The following TLDC2 variants were observed in gnomAD, a reference collection of about 807,000 sequenced individuals.
TLDC2 encodes TBC/LysM-associated domain containing 2.
A neutral mutation model predicts 27.9 loss-of-function variants in TLDC2; 23 were observed. The ratio of observed to expected loss-of-function variants is 0.82; its 90% CI spans 0.59 to 1.17. The LOEUF (loss-of-function observed/expected upper bound fraction) is 1.17, where lower values mean the gene tolerates loss of function less well. TLDC2 is among the 50% of genes most tolerant of loss of function. The pLI is 0.00. For missense variants in TLDC2, 286 were observed against 273.4 expected (o/e 1.05, Z -0.32); for synonymous variants, 124 against 107.4 (o/e 1.16, Z -0.96).
intron 4 of TLDC2, among the ~76,000 whole-genome samples, chr20:36,882,601 A>G (rs1989839512): frequency 6.6e-6 from 1 of 152,194 alleles, no homozygotes; most frequent in African/African-American, 2.4e-5. Context: ...GATCTCTCCA[A>G]TGCACAGACT....
At chr20:36,880,624 C>A in intron 3 of TLDC2, 31 bp from the exon 4 acceptor site, 1 of 1,595,702 alleles carries the variant, frequency 6.3e-7, no homozygotes. Flanking sequence ...TAGCTCCCTT[C>A]CAGCTGCAGA....
intron 4 of TLDC2, among the ~76,000 whole-genome samples, chr20:36,881,830 C>T (rs1477220681): frequency 6.6e-6 from 1 of 152,098 alleles, no homozygotes; most frequent in East Asian, 1.9e-4. Flanking sequence ...AGCAGTTGGA[C>T]AATGTGTTGG....
At chr20:36,888,955 G>A (rs1009043200) in intron 5 of TLDC2, among the ~76,000 whole-genome samples, 6 of 152,088 alleles carry the variant, frequency 3.9e-5, no homozygotes, top group African/African-American at 1.4e-4. Flanking sequence ...CCGGGAGGTG[G>A]AGGTTGTGGT....
rs768361219 is a variant in TLDC2 at position 36,880,790 on chromosome 20, G to A, written c.438+40G>A. 10 of 1,595,592 alleles carry A rather than the reference G, an allele frequency of 6.3e-6. No homozygotes were observed. In the East Asian group the frequency reaches 1.3e-4, roughly 21 times the overall value. On this transcript the variant is annotated intron_variant, in intron 4 of 6. Transcript: ENST00000217320. ...CTTCCATGGGGGGAGTGGGGCGTGTGGCGAGACAAAGCTCCCGGGGTCCCA... is the reference window on the plus strand; with the variant it reads ...CTTCCATGGGGGGAGTGGGGCGTGTAGCGAGACAAAGCTCCCGGGGTCCCA...
chr20:36,887,543 C>A lies in TLDC2; in HGVS notation c.512+15C>A, dbSNP rs746655484. Reference sequence around the variant, plus strand: ...GGCAGTGGCAGGTGAGTGTCTCAGTCTTCCCGAGTCTTGGGGCGGTCTGTG... The same window carrying A: ...GGCAGTGGCAGGTGAGTGTCTCAGTATTCCCGAGTCTTGGGGCGGTCTGTG... On this transcript the variant is annotated intron_variant, in intron 5 of 6. Coordinates refer to ENST00000217320, the MANE Select transcript of TLDC2 (RefSeq NM_080628.3). 1.9e-6 allele frequency: 3 copies of A among 1,611,662 alleles called. No homozygotes were observed. The highest frequency in any genetic ancestry group is 1.7e-6 in the Non-Finnish European group (2 of 1,177,850).
Position 36,887,438 on chromosome 20 carries a change from C to T in TLDC2, c.439-17C>T. 1.2e-6 allele frequency: 2 copies of T among 1,610,942 alleles called. No homozygotes were observed. Among genetic ancestry groups the T allele is most frequent in the Admixed American group, 3.3e-5 (2 of 60,012 alleles). The stretch of plus-strand genomic sequence containing the variant: ...CGCTCGCTTAGTAACCTGAGCCTTT[C>T]CCTATGTATCACCCAGGTCTTTAAG... On this transcript the variant is annotated splice_polypyrimidine_tract_variant and intron_variant, in intron 4 of 6. Coordinates refer to ENST00000217320, the MANE Select transcript of TLDC2 (RefSeq NM_080628.3).
At chr20:36,889,672 C>CT (rs2148349514) in intron 6 of TLDC2, 1 of 288,144 alleles carries the variant, frequency 3.5e-6, no homozygotes, top group South Asian at 1.1e-4. Flanking sequence ...ATCCACATCT[C>CT]TTCCCCGCTA....
chr20:36,879,045 G>C lies in TLDC2; in HGVS notation c.194G>C (p.Ser65Thr), dbSNP rs1989739333. ...VLSASEIRQL[S>T]FHFPPRVTGH... ...CACCTCCAACCCTGTCCCCAGCTCA[G>C]CTTTCACTTCCCACCAAGAGTCACC... Residue 65 changes from serine to threonine, a missense_variant, in exon 3 of 7, where the codon AGC becomes ACC. By Grantham distance (58) the Ser-to-Thr change is moderately conservative (BLOSUM62 1). Transcript: ENST00000217320. The C allele has an allele frequency of 1.2e-6, 2 of 1,614,190 alleles. No homozygotes were observed. The highest frequency in any genetic ancestry group is 1.7e-6 in the Non-Finnish European group (2 of 1,180,032).
intron 4 of TLDC2, among the ~76,000 whole-genome samples, chr20:36,884,486 G>A (rs1046830794): frequency 1.3e-5 from 2 of 152,076 alleles, no homozygotes; most frequent in African/African-American, 4.8e-5. Context: ...GCCAAGTGTG[G>A]TGGCTCACGT....
At chr20:36,890,396 C>CTCTTTCTTTTCTTTCTT (rs1555830176) in intron 6 of TLDC2, 1 of 142,450 alleles carries the variant, frequency 7.0e-6, no homozygotes, top group Non-Finnish European at 1.5e-5. Context: ...ATATTTCTTT[C>CTCTTTCTTTTCTTTCTT]TCTTTCTTTC....
At chr20:36,883,757 G>A (rs57983712) in intron 4 of TLDC2, among the ~76,000 whole-genome samples, 1 of 152,228 alleles carries the variant, frequency 6.6e-6, no homozygotes, top group African/African-American at 2.4e-5. Context: ...GTCTCTCACT[G>A]CCTCCACTTC....
intron 4 of TLDC2, 52 bp downstream of exon 4, chr20:36,880,802 C>T (rs765390716): frequency 1.9e-6 from 3 of 1,547,704 alleles, no homozygotes; most frequent in South Asian, 2.2e-5. Flanking sequence ...CGAGACAAAG[C>T]TCCCGGGGTC....
Position 36,877,879 on chromosome 20 carries a change from G to A in TLDC2, c.34-20G>A, listed in dbSNP as rs1336347794. The A allele has an allele frequency of 3.2e-5, 51 of 1,606,824 alleles. No individual in the cohort carries two copies. The highest frequency in any genetic ancestry group is 4.3e-5 in the Non-Finnish European group (51 of 1,177,092). On this transcript the variant is annotated intron_variant, in intron 1 of 6. Transcript: ENST00000217320. ...GACCTCCTGTCCCTGGACACACCAGGCCACTTTGTGTTTTTGCAGCCCAGC... is the reference window on the plus strand; with the variant it reads ...GACCTCCTGTCCCTGGACACACCAGACCACTTTGTGTTTTTGCAGCCCAGC...
In TLDC2 at chr20:36,893,197, G is replaced by A; in HGVS notation, c.*353G>A. 1 of 1,132,620 alleles carries A rather than the reference G, an allele frequency of 8.8e-7. No homozygotes were observed. The highest frequency in any genetic ancestry group is 1.3e-6 in the Non-Finnish European group (1 of 774,942). The allele number at this position is 1,132,620 out of a possible 1,614,324, so 70.2% of individuals were successfully genotyped here. A position where few individuals can be genotyped will look rare whatever the true frequency, so the allele number is the denominator to read the frequency against. ...TTGCTTCTAGCTGTCCTCAATCCAG[G>A]GAAACTCCAAATTACATATGCCCTG... is the stretch of plus-strand genomic sequence containing the variant. On this transcript the variant is annotated 3_prime_UTR_variant, in exon 7 of 7. Transcript: ENST00000217320.
Position 36,893,120 on chromosome 20 carries a change from CTTA to C in TLDC2, c.*279_*281del. 1 of 1,601,952 alleles carries C rather than the reference CTTA, an allele frequency of 6.2e-7. No homozygotes were observed. The highest frequency in any genetic ancestry group is 1.1e-5 in the South Asian group (1 of 90,970). ...ATAGAGAAAAGCCAGTTTCCATCAT[CTTA>C]TTTCTGAGTGAAAGTCTCAAGTGCG... On this transcript the variant is annotated 3_prime_UTR_variant, in exon 7 of 7. Transcript: ENST00000217320.
Position 36,877,975 on chromosome 20 carries a change from C to G in TLDC2, c.110C>G (p.Pro37Arg). Residue 37 changes from proline to arginine, a missense_variant, in exon 2 of 7, where the codon CCA becomes CGA. Transcript: ENST00000217320. ...EEEEEEAAPD[P>R]AAAPEDPTVP... ...GAGGAGGAGGAGGCAGCTCCAGACCCAGCTGCTGCTCCTGAGGATCCCACG... is the reference window on the plus strand; with the variant it reads ...GAGGAGGAGGAGGCAGCTCCAGACCGAGCTGCTGCTCCTGAGGATCCCACG... 6.2e-7 allele frequency: 1 copy of G among 1,614,140 alleles called. No homozygotes were observed. Among genetic ancestry groups the G allele is most frequent in the Non-Finnish European group, 8.5e-7 (1 of 1,180,004 alleles).
intron 4 of TLDC2, among the ~76,000 whole-genome samples, chr20:36,881,828 G>T (rs1989822778): frequency 6.6e-6 from 1 of 152,208 alleles, no homozygotes; most frequent in Admixed American, 6.5e-5. Context: ...ACAGCAGTTG[G>T]ACAATGTGTT....
intron 4 of TLDC2, among the ~76,000 whole-genome samples, chr20:36,885,156 C>T (rs6129995): frequency 2.0e-5 from 3 of 152,078 alleles, no homozygotes; most frequent in Admixed American, 6.5e-5. Flanking sequence ...GGATTACAGG[C>T]GTGAGCCACC....
At chr20:36,883,912 G>A (rs952575780) in intron 4 of TLDC2, among the ~76,000 whole-genome samples, 21 of 152,242 alleles carry the variant, frequency 1.4e-4, no homozygotes, top group South Asian at 8.3e-4. Context: ...TGGCCAACAC[G>A]GTGAAACCCC....
Sources: allele counts gnomAD v4.1 joint callset (sites outside exome capture counted in the v4.1 genomes callset), GRCh38; gene constraint gnomAD v4.1.1; transcripts MANE v1.5; gene names NCBI Gene and HGNC (gene_info 2026-07-23, HGNC 2026-07-21).